The following SNX27 variants were observed in gnomAD, a reference collection of about 807,000 sequenced individuals.
The protein encoded by SNX27 is sorting nexin 27, also known as sorting nexin-27.
Under a neutral mutation model 71.6 loss-of-function variants are expected in SNX27, and 22 were observed. The observed-to-expected ratio is 0.31, with a 90% CI of 0.22 to 0.44. The LOEUF (loss-of-function observed/expected upper bound fraction) is 0.44, where lower values mean the gene tolerates loss of function less well. Ranked by LOEUF, SNX27 falls within the 20% of genes least tolerant of loss-of-function variation. SNX27 has a pLI of 1.00. For synonymous variants in SNX27, 269 were observed against 277.2 expected (o/e 0.97, Z 0.29); for missense variants, 531 against 698.6 (o/e 0.76, Z 2.70).
chr1:151,631,159 C>T (rs1374253290), intron 1 of SNX27, among the ~76,000 whole-genome samples: 1 of 152,226 alleles, frequency 6.6e-6, no homozygotes, highest in Non-Finnish European at 1.5e-5. Context: ...CAGACCCTTA[C>T]ATTTTGGTGG....
At chr1:151,625,642 C>A (rs1203590326) in intron 1 of SNX27, among the ~76,000 whole-genome samples, 1 of 151,880 alleles carries the variant, frequency 6.6e-6, no homozygotes, top group East Asian at 1.9e-4. Flanking sequence ...TCAAGACCAG[C>A]TGATCAACAT....
At chr1:151,685,028 C>G (rs183065919) in intron 8 of SNX27, among the ~76,000 whole-genome samples, 1 of 151,960 alleles carries the variant, frequency 6.6e-6, no homozygotes, top group East Asian at 1.9e-4. Context: ...AGGCTGGTCT[C>G]GAACTCCAGA....
At chr1:151,651,861 T>C (rs1207262746) in intron 2 of SNX27, among the ~76,000 whole-genome samples, 1 of 149,300 alleles carries the variant, frequency 6.7e-6, no homozygotes, top group East Asian at 2.0e-4. Flanking sequence ...GGCTGGGAGG[T>C]GGAGGTTGTA....
At chr1:151,659,973 C>T (rs928616042) in intron 3 of SNX27, 1 of 152,124 alleles carries the variant, frequency 6.6e-6, no homozygotes, top group African/African-American at 2.4e-5. Context: ...TGTAGGGAGC[C>T]TTATCGTGAA....
chr1:151,622,618 A>G (rs1263101820), intron 1 of SNX27, among the ~76,000 whole-genome samples: 1 of 152,180 alleles, frequency 6.6e-6, no homozygotes, highest in Admixed American at 6.5e-5. Context: ...TAAATTGGCC[A>G]TGTTGACAAT....
intron 6 of SNX27, chr1:151,666,294 C>G (rs1157387443): frequency 3.9e-6 from 1 of 258,674 alleles, no homozygotes; most frequent in African/African-American, 2.2e-5. Context: ...TCCAATAAAA[C>G]AGGCTTAAAA....
chr1:151,693,643 G>C, intron 11 of SNX27, 160 bp downstream of exon 11: 1 of 1,613,264 alleles, frequency 6.2e-7, no homozygotes, highest in Non-Finnish European at 8.5e-7. Flanking sequence ...CATTCTTCCA[G>C]CAAGGTTGGC....
At chr1:151,615,896 G>T in intron 1 of SNX27, 2 of 811,574 alleles carry the variant, frequency 2.5e-6, no homozygotes, top group Non-Finnish European at 3.0e-6. Flanking sequence ...TTTTAAAGTC[G>T]GCTTACCAAG....
chr1:151,682,649 C>A (rs1201024631), intron 7 of SNX27, among the ~76,000 whole-genome samples: 1 of 152,126 alleles, frequency 6.6e-6, no homozygotes, highest in Non-Finnish European at 1.5e-5. Flanking sequence ...AGGAAACTTA[C>A]AATCATGGCA....
At chr1:151,652,183 A>G (rs1669428264) in intron 2 of SNX27, among the ~76,000 whole-genome samples, 1 of 107,818 alleles carries the variant, frequency 9.3e-6, no homozygotes, top group Admixed American at 1.3e-4. Flanking sequence ...AGACCGTGGA[A>G]AGAGAGGGAG....
At chr1:151,685,106 G>A (rs1411761645) in intron 8 of SNX27, among the ~76,000 whole-genome samples, 1 of 152,016 alleles carries the variant, frequency 6.6e-6, no homozygotes, top group Admixed American at 6.6e-5. Flanking sequence ...ACCGTGCCAG[G>A]CCTAAAGTTA....
intron 2 of SNX27, among the ~76,000 whole-genome samples, chr1:151,657,028 C>T (rs1258782369): frequency 6.6e-6 from 1 of 152,074 alleles, no homozygotes; most frequent in Non-Finnish European, 1.5e-5. Flanking sequence ...TTTTTGCGGT[C>T]AGAGAAACAG....
rs16833448 is a variant in SNX27 at position 151,661,778 on chromosome 1, G to T, written c.802-388G>T. On this transcript the variant is annotated intron_variant, in intron 4 of 11. Transcript: ENST00000458013. ...GTATATCTCTTGATCCAGTCTATAT[G>T]CCTGACCATTAATACCAGAGAATAT... 2.8e-3 allele frequency among the ~76,000 whole-genome samples: 425 copies of T among 152,210 alleles called. 1 individual carries two copies. Among genetic ancestry groups the T allele is most frequent in the African/African-American group, 9.5e-3 (395 of 41,518 alleles).
chr1:151,673,111 A>C (rs1177130440), intron 7 of SNX27, among the ~76,000 whole-genome samples: 1 of 151,904 alleles, frequency 6.6e-6, no homozygotes, highest in African/African-American at 2.4e-5. Flanking sequence ...TAACTATAAA[A>C]TTCCTTCTTA....
At chr1:151,679,684 A>C (rs1670852953) in intron 7 of SNX27, 1 of 152,222 alleles carries the variant, frequency 6.6e-6, no homozygotes, top group South Asian at 2.1e-4. Context: ...GGAAATAAAA[A>C]ATTTTGCAAG....
rs187190687 is a variant in SNX27 at position 151,691,929 on chromosome 1, G to A, written c.1240-506G>A. Among the ~76,000 whole-genome samples, 1,251 of 152,306 alleles carry A rather than the reference G, an allele frequency of 8.2e-3. 5 individuals are homozygous for A. Among genetic ancestry groups the A allele is most frequent in the Non-Finnish European group, 0.014 (980 of 68,030 alleles). On this transcript the variant is annotated intron_variant, in intron 8 of 11. Transcript: ENST00000458013. ...GATAAAGAATTGCTAGCCAGGCACG[G>A]TGGCTCATGCCTGTAACCCTTGCAC...
intron 6 of SNX27, among the ~76,000 whole-genome samples, chr1:151,667,800 C>G (rs2102693957): frequency 7.6e-6 from 1 of 131,762 alleles, no homozygotes; most frequent in East Asian, 2.2e-4. Flanking sequence ...GCACTCCAGC[C>G]TGGGCGACAG....
chr1:151,669,764 G>T (rs1036084492), intron 7 of SNX27, among the ~76,000 whole-genome samples: 8 of 151,976 alleles, frequency 5.3e-5, no homozygotes, highest in Admixed American at 1.3e-4. Flanking sequence ...ATTTTTGTGG[G>T]TACATAGTAG....
intron 9 of SNX27, 91 bp downstream of exon 9, chr1:151,692,675 A>G: frequency 6.5e-7 from 1 of 1,536,186 alleles, no homozygotes; most frequent in African/African-American, 1.4e-5. Context: ...TTTAGGGGGA[A>G]ATGAAATCAA....
Sources: gnomAD v4.1 joint callset for allele counts (sites outside exome capture counted in the v4.1 genomes callset) on GRCh38, gnomAD v4.1.1 for gene constraint, MANE v1.5 for transcripts, NCBI Gene and HGNC (gene_info 2026-07-23, HGNC 2026-07-21) for gene names.